The following TRERF1 variants were observed in gnomAD, a reference collection of about 807,000 sequenced individuals.
The protein encoded by TRERF1 is transcriptional-regulating factor 1.
TRERF1 carries 27 observed loss-of-function variants against 122.9 expected under a neutral mutation model. The observed-to-expected ratio is 0.22, with a 90% confidence interval of 0.16 to 0.30. The LOEUF is 0.30. Among genes scored for constraint, TRERF1 ranks in the 10% least tolerant of loss-of-function variants. The probability of loss-of-function intolerance (pLI) is 1.00; values close to 1 mark genes in which losing one functional copy is unlikely to be tolerated. For missense variants in TRERF1, 1,248 were observed against 1,560.3 expected (o/e 0.80, Z 3.37); for synonymous variants, 636 against 641.7 (o/e 0.99, Z 0.13).
chr6:42,370,341 G>A (rs965932823), intron 2 of TRERF1, among the ~76,000 whole-genome samples: 3 of 152,184 alleles, frequency 2.0e-5, no homozygotes, highest in Non-Finnish European at 4.4e-5. Context: ...GTGGGATTAT[G>A]GGTGACATTA....
At chr6:42,282,726 A>C (rs777788885) in intron 4 of TRERF1, among the ~76,000 whole-genome samples, 13 of 152,218 alleles carry the variant, frequency 8.5e-5, no homozygotes, top group Non-Finnish European at 1.8e-4. Flanking sequence ...GAATATATAC[A>C]TATGTAGGTA....
chr6:42,451,831 T>A lies in TRERF1; in HGVS notation c.-539+190A>T, dbSNP rs1417194200. 6.6e-6 allele frequency among the ~76,000 whole-genome samples: 1 copy of A among 152,084 alleles called. No homozygotes were observed. The highest frequency in any genetic ancestry group is 2.4e-5 in the African/African-American group (1 of 41,414). On this transcript the variant is annotated intron_variant, in intron 1 of 17. An upstream open reading frame in the 5' UTR gains an earlier in-frame stop. Coordinates refer to ENST00000372922, the Ensembl canonical transcript of TRERF1. ...CCGTTCTCCCTCCCCAGTGGAAATT[T>A]GCAGCGCCGGGCTGCGCGCGTGCAT...
At chr6:42,246,584 T>TC in intron 13 of TRERF1, 40 bp from the exon 14 acceptor site, 1 of 1,448,600 alleles carries the variant, frequency 6.9e-7, no homozygotes, top group Non-Finnish European at 9.5e-7. Flanking sequence ...AGCTCACAGT[T>TC]CCCCCTGCTT....
chr6:42,360,770 T>TAA lies in TRERF1; in HGVS notation c.-371+2226_-371+2227insTT, dbSNP rs1491517636. The stretch of plus-strand genomic sequence containing the variant: ...ACCCAGGGAGGAAGGAGTGGAGAGA[T>TAA]TAAAAAAAAAAAAAAAAAAAAAAAA... On this transcript the variant is annotated intron_variant, in intron 3 of 17. Coordinates refer to ENST00000372922, the Ensembl canonical transcript of TRERF1. 2.6e-3 allele frequency among the ~76,000 whole-genome samples: 167 copies of TAA among 64,092 alleles called. 20 individuals carry two copies. The highest frequency in any genetic ancestry group is 5.7e-3 in the African/African-American group (124 of 21,626). The allele number at this position is 64,092 out of a possible 152,430, so 42.0% of individuals were successfully genotyped here.
chr6:42,433,031 A>G (rs1451851327), intron 2 of TRERF1, among the ~76,000 whole-genome samples: 1 of 151,636 alleles, frequency 6.6e-6, no homozygotes, highest in Non-Finnish European at 1.5e-5. Context: ...AGATAATTAT[A>G]ATAATAACAT....
intron 2 of TRERF1, among the ~76,000 whole-genome samples, chr6:42,414,964 G>C (rs1781624189): frequency 6.6e-6 from 1 of 152,150 alleles, no homozygotes; most frequent in Non-Finnish European, 1.5e-5. Context: ...TCATAATTTA[G>C]ATAAATATCA....
intron 4 of TRERF1, among the ~76,000 whole-genome samples, chr6:42,298,562 T>C (rs1024023731): frequency 6.6e-6 from 1 of 150,654 alleles, no homozygotes; most frequent in African/African-American, 2.4e-5. Context: ...GCCAGCACTT[T>C]GGGAGGCTGA....
chr6:42,383,930 C>T (rs1274224918), intron 2 of TRERF1, among the ~76,000 whole-genome samples: 1 of 151,754 alleles, frequency 6.6e-6, no homozygotes, highest in Non-Finnish European at 1.5e-5. Context: ...ATCAGATTGG[C>T]AAAGATAAAA....
At chr6:42,262,373 C>G (rs1000353171) in intron 8 of TRERF1, among the ~76,000 whole-genome samples, 4 of 150,346 alleles carry the variant, frequency 2.7e-5, no homozygotes, top group Admixed American at 6.7e-5. Context: ...CAACATGCCA[C>G]TTTGTGGGGA....
chr6:42,271,127 G>A (rs1408251680), intron 4 of TRERF1, among the ~76,000 whole-genome samples: 1 of 149,920 alleles, frequency 6.7e-6, no homozygotes, highest in Non-Finnish European at 1.5e-5. Flanking sequence ...AGAGGTTGCA[G>A]TGAGCCGAGA....
intron 3 of TRERF1, among the ~76,000 whole-genome samples, chr6:42,349,038 G>C (rs1768877491): frequency 6.6e-6 from 1 of 152,158 alleles, no homozygotes; most frequent in Admixed American, 6.5e-5. Flanking sequence ...GGTAGTGTAA[G>C]CCTAAGTGCT....
Position 42,259,462 on chromosome 6 carries a change from G to T in TRERF1, c.2146C>A (p.Pro716Thr). The change falls in exon 9 of 18, where the codon CCG (proline) becomes ACG (threonine). Residue 716 changes from proline to threonine, a missense_variant. Around this residue, in one of 5 missense-constraint regions of TRERF1, gnomAD observed 946 missense variants for 1,073.0 expected, o/e 0.88. Transcript: ENST00000372922. This position sits in a 1 kb window ranked among gnomAD's most constrained non-coding sequence, Gnocchi z 4.9. ...AAGAGCCCCGAGCCCTGGCGCACCGGGCTCAGCATGGGTGGGGGCGTGTAA... is the reference window on the plus strand; with the variant it reads ...AAGAGCCCCGAGCCCTGGCGCACCGTGCTCAGCATGGGTGGGGGCGTGTAA... 1 of 1,606,516 alleles carries T rather than the reference G, an allele frequency of 6.2e-7. No homozygotes were observed.
chr6:42,346,717 A>C (rs1294347048), intron 3 of TRERF1, among the ~76,000 whole-genome samples: 1 of 152,182 alleles, frequency 6.6e-6, no homozygotes, highest in East Asian at 1.9e-4. Context: ...CAGGACTTTC[A>C]TACTAAAACC....
chr6:42,417,486 C>G (rs1782006681), intron 2 of TRERF1, among the ~76,000 whole-genome samples: 1 of 152,176 alleles, frequency 6.6e-6, no homozygotes, highest in African/African-American at 2.4e-5. Flanking sequence ...GGGTTAGGAC[C>G]TGTCCACAAT....
chr6:42,441,215 A>T (rs941972586), intron 2 of TRERF1, among the ~76,000 whole-genome samples: 1 of 152,208 alleles, frequency 6.6e-6, no homozygotes, highest in Admixed American at 6.5e-5. Context: ...AGCTGCTGAA[A>T]AACAGCATTT....
At chr6:42,408,690 G>T (rs1780673951) in intron 2 of TRERF1, among the ~76,000 whole-genome samples, 1 of 151,622 alleles carries the variant, frequency 6.6e-6, no homozygotes, top group Non-Finnish European at 1.5e-5. Flanking sequence ...CCTTTAACAT[G>T]ATTTTATTAT....
rs574031364 is a variant in TRERF1, at chr6:42,369,453, G to GAACA, written c.-453-6378_-453-6375dup. 8.1e-4 allele frequency among the ~76,000 whole-genome samples: 123 copies of GAACA among 152,044 alleles called. 1 individual carries two copies. Among genetic ancestry groups the GAACA allele is most frequent in the African/African-American group, 2.9e-3 (119 of 41,476 alleles). On this transcript the variant is annotated intron_variant, in intron 2 of 17. Coordinates refer to ENST00000372922, the Ensembl canonical transcript of TRERF1. ...AGCGAGACTCCAACTCAAAAAATAT[G>GAACA]AACAAACAAACAAACAAACTGAGGA...
intron 5 of TRERF1, among the ~76,000 whole-genome samples, chr6:42,266,191 T>C (rs1339648990): frequency 6.7e-6 from 1 of 148,750 alleles, no homozygotes. Flanking sequence ...TGGAATTCTT[T>C]TTTTTTTTTT....
intron 16 of TRERF1, among the ~76,000 whole-genome samples, chr6:42,234,484 C>T (rs915629518): frequency 3.3e-5 from 5 of 151,952 alleles, no homozygotes; most frequent in Middle Eastern, 3.4e-3. Context: ...ACTACAGGCG[C>T]GCACCACCAC....
Sources: gnomAD v4.1 joint callset for allele counts (sites outside exome capture counted in the v4.1 genomes callset) on GRCh38, gnomAD v4.1.1 for gene constraint, gnomAD v4.1.1 regional missense constraint, Gnocchi (gnomAD v3.1) non-coding constraint, MANE v1.5 for transcripts, NCBI Gene and HGNC (gene_info 2026-07-23, HGNC 2026-07-21) for gene names.